The following CBLB variants were observed in gnomAD, a reference collection of about 807,000 sequenced individuals.
CBLB encodes E3 ubiquitin-protein ligase CBL-B.
In CBLB, 31 loss-of-function variants were observed where a neutral mutation model predicts 104.9. That is an observed-to-expected ratio of 0.30 (90% CI 0.22 to 0.40). CBLB has a LOEUF of 0.40. Among genes scored for constraint, CBLB ranks in the 10% least tolerant of loss-of-function variants. The probability of loss-of-function intolerance (pLI) is 1.00; values close to 1 mark genes in which losing one functional copy is unlikely to be tolerated. For missense variants in CBLB, 1,062 were observed against 1,214.6 expected (o/e 0.87, Z 1.87); for synonymous variants, 440 against 422.6 (o/e 1.04, Z -0.51).
At position 105,681,416 on chromosome 3, in the gene CBLB, T is replaced by C. The variant is rs1445261284; in HGVS notation, c.2428+63A>G. The C allele has an allele frequency of 5.2e-5, 82 of 1,563,976 alleles. No individual in the cohort carries two copies. The South Asian group carries it at 6.1e-4, about 12-fold the overall frequency. ...CTGTGTTATACTGAACTCTGAATTCTGAAAATTCTGAAATTAAAAGAAGGA... is the reference window on the plus strand; with the variant it reads ...CTGTGTTATACTGAACTCTGAATTCCGAAAATTCTGAAATTAAAAGAAGGA... On this transcript the variant is annotated intron_variant, in intron 16 of 18. Transcript: ENST00000394030.
rs1387870141 is a variant in CBLB, at chr3:105,824,017, C to T, written c.419+29397G>A. 2.6e-5 allele frequency among the ~76,000 whole-genome samples: 4 copies of T among 152,176 alleles called. No individual in the cohort carries two copies. The East Asian group carries it at 7.7e-4, about 29-fold the overall frequency. On this transcript the variant is annotated intron_variant, in intron 3 of 18. Transcript: ENST00000394030. The stretch of plus-strand genomic sequence containing the variant: ...CTCCCTCACATTCTCACCTTTCCTA[C>T]TTCACCCTTTTGAACTCATAGGTTC...
At chr3:105,841,433 A>G (rs1274762229) in intron 3 of CBLB, among the ~76,000 whole-genome samples, 1 of 151,992 alleles carries the variant, frequency 6.6e-6, no homozygotes, top group African/African-American at 2.4e-5. Context: ...TGTTATATAT[A>G]TTAAAATGGC....
chr3:105,673,888 C>G (rs2065335742), intron 17 of CBLB: 1 of 152,218 alleles, frequency 6.6e-6, no homozygotes, highest in African/African-American at 2.4e-5. Flanking sequence ...AAGGTCTTCT[C>G]TTCTCTGAGC....
At chr3:105,839,253 C>T (rs1207545521) in intron 3 of CBLB, among the ~76,000 whole-genome samples, 2 of 151,956 alleles carry the variant, frequency 1.3e-5, no homozygotes, top group African/African-American at 2.4e-5. Context: ...GCAGGAAAGC[C>T]ACTAGATTAA....
At chr3:105,711,454 C>T (rs1028604258) in intron 10 of CBLB, among the ~76,000 whole-genome samples, 1 of 151,764 alleles carries the variant, frequency 6.6e-6, no homozygotes, top group African/African-American at 2.4e-5. Flanking sequence ...AAAATAGTAG[C>T]CTATACAGAA....
chr3:105,869,260 G>A, upstream of CBLB: 2 of 755,920 alleles, frequency 2.6e-6, no homozygotes. Context: ...GAAATGAGGG[G>A]CCTGGACTCT....
At chr3:105,759,113 A>G (rs2077358729) in intron 4 of CBLB, among the ~76,000 whole-genome samples, 1 of 152,200 alleles carries the variant, frequency 6.6e-6, no homozygotes, top group Non-Finnish European at 1.5e-5. Context: ...GAGCAGCAGA[A>G]CAGCACTCAG....
At chr3:105,821,339 C>T (rs1472876336) in intron 3 of CBLB, among the ~76,000 whole-genome samples, 12 of 152,046 alleles carry the variant, frequency 7.9e-5, no homozygotes, top group Admixed American at 7.2e-4. Context: ...ATCCATAAAT[C>T]TTTCAATGCC....
At chr3:105,701,763 CAA>C (rs60481562) in intron 12 of CBLB, among the ~76,000 whole-genome samples, 9 of 138,782 alleles carry the variant, frequency 6.5e-5, no homozygotes, top group Admixed American at 2.1e-4. Flanking sequence ...GGCTTCGTCT[CAA>C]AAAAAAAAAA....
In CBLB at chr3:105,829,495, C is replaced by CA. The variant is rs1240387768; in HGVS notation, c.419+23918dup. On this transcript the variant is annotated intron_variant, in intron 3 of 18. Coordinates refer to ENST00000394030, the MANE Select transcript of CBLB (RefSeq NM_170662.5). Reference sequence around the variant, plus strand: ...GCAACATGGCGAGACCCTGTCTCTACAAAAAATTTAAAAATCAGCCAGGCA... The same window carrying CA: ...GCAACATGGCGAGACCCTGTCTCTACAAAAAAATTTAAAAATCAGCCAGGCA... Among the ~76,000 whole-genome samples, 3 of 151,546 alleles carry CA rather than the reference C, an allele frequency of 2.0e-5. No individual in the cohort carries two copies. In the East Asian group the frequency reaches 5.8e-4, roughly 29 times the overall value.
At chr3:105,740,755 A>G (rs1279920490) in intron 6 of CBLB, 124 bp from the exon 7 acceptor site, 1 of 816,780 alleles carries the variant, frequency 1.2e-6, no homozygotes, top group Non-Finnish European at 2.0e-6. Context: ...TACTCCTCAT[A>G]TTCTGTCTTC....
chr3:105,703,840 TG>T (rs2069633339), intron 11 of CBLB, 147 bp downstream of exon 11: 1 of 696,808 alleles, frequency 1.4e-6, no homozygotes, highest in Non-Finnish European at 2.5e-6. Flanking sequence ...AATATGAATG[TG>T]GGCTCACCAT....
chr3:105,670,409 G>GA, intron 17 of CBLB, 57 bp from the exon 18 acceptor site: 1 of 1,403,766 alleles, frequency 7.1e-7, no homozygotes, highest in South Asian at 1.2e-5. Flanking sequence ...ATTGGCTGAA[G>GA]AAAAAAATTC....
At chr3:105,683,048 G>A (rs2066515206) in intron 14 of CBLB, among the ~76,000 whole-genome samples, 1 of 152,058 alleles carries the variant, frequency 6.6e-6, no homozygotes, top group Admixed American at 6.5e-5. Context: ...TATTTGAATA[G>A]ATAATGCAAG....
At chr3:105,813,440 T>A (rs749746249) in intron 3 of CBLB, among the ~76,000 whole-genome samples, 5 of 152,296 alleles carry the variant, frequency 3.3e-5, no homozygotes, top group African/African-American at 4.8e-5. Context: ...ATAATTTTTA[T>A]GCAATGGTAT....
At chr3:105,835,531 T>C (rs1473071592) in intron 3 of CBLB, among the ~76,000 whole-genome samples, 1 of 152,240 alleles carries the variant, frequency 6.6e-6, no homozygotes, top group Non-Finnish European at 1.5e-5. Flanking sequence ...ACAGAAAAAT[T>C]ATTTTACTCT....
intron 3 of CBLB, chr3:105,839,465 G>T (rs1199831759): frequency 6.6e-6 from 1 of 152,098 alleles, no homozygotes; most frequent in Non-Finnish European, 1.5e-5. Context: ...AATTCACAAA[G>T]AACTGCTGGC....
rs761836561 is a variant in CBLB at position 105,751,612 on chromosome 3, G to A, written c.573C>T (p.Ile191=). ...FWRKFFGDKT[I]VPWKVFRQCL... Reference sequence around the variant, plus strand: ...ACTGTCTGAATACTTTCCATGGTACGATAGTTCTGTGCAAGGTGGAAAAAA... The same window carrying A: ...ACTGTCTGAATACTTTCCATGGTACAATAGTTCTGTGCAAGGTGGAAAAAA... The change falls in exon 5 of 19, where the codon ATC becomes ATT. Residue 191 remains isoleucine (I), a synonymous_variant. Transcript: ENST00000394030. 53 of 1,612,762 alleles carry A rather than the reference G, an allele frequency of 3.3e-5. No homozygotes were observed. The highest frequency in any genetic ancestry group is 1.6e-4 in the Middle Eastern group (1 of 6,082).
At chr3:105,673,715 T>A (rs945786206) in intron 17 of CBLB, 1 of 152,318 alleles carries the variant, frequency 6.6e-6, no homozygotes, top group Admixed American at 6.5e-5. Flanking sequence ...ACACTCAAGG[T>A]AGAACAATTC....
Sources: gnomAD v4.1 joint callset for allele counts (sites outside exome capture counted in the v4.1 genomes callset) on GRCh38, gnomAD v4.1.1 for gene constraint, MANE v1.5 for transcripts, NCBI Gene and HGNC (gene_info 2026-07-23, HGNC 2026-07-21) for gene names.